GRID2: variants seen among roughly 807,000 people sequenced by gnomAD.
GRID2 encodes glutamate ionotropic receptor delta type subunit 2, also known as glutamate receptor ionotropic, delta-2.
In GRID2, 33 loss-of-function variants were observed where a neutral mutation model predicts 114.8. The ratio of observed to expected loss-of-function variants is 0.29; its 90% CI spans 0.22 to 0.38. The LOEUF is 0.38. Among genes scored for constraint, GRID2 ranks in the 10% least tolerant of loss-of-function variants. The pLI, the probability that GRID2 is intolerant of heterozygous loss-of-function variation, is 1.00. For missense variants in GRID2, 1,184 were observed against 1,257.7 expected (o/e 0.94, Z 0.89); for synonymous variants, 505 against 449.9 (o/e 1.12, Z -1.55).
chr4:92,721,837 C>T (rs1735824393), intron 2 of GRID2, among the ~76,000 whole-genome samples: 1 of 152,002 alleles, frequency 6.6e-6, no homozygotes, highest in Non-Finnish European at 1.5e-5. Context: ...ACATTTATGC[C>T]CTAAACTATA....
chr4:93,533,110 C>T (rs1307884256), intron 13 of GRID2, among the ~76,000 whole-genome samples: 1 of 152,070 alleles, frequency 6.6e-6, no homozygotes, highest in African/African-American at 2.4e-5. Context: ...ATATCCAAAA[C>T]CCAACAGTTG....
chr4:93,430,228 T>A (rs1469572642), intron 10 of GRID2, among the ~76,000 whole-genome samples: 1 of 152,184 alleles, frequency 6.6e-6, no homozygotes, highest in Non-Finnish European at 1.5e-5. Context: ...TTGCCCAGGC[T>A]GGAGTTCAGT....
At chr4:93,715,676 G>C (rs72659509) in intron 14 of GRID2, among the ~76,000 whole-genome samples, 1 of 152,062 alleles carries the variant, frequency 6.6e-6, no homozygotes, top group Non-Finnish European at 1.5e-5. Context: ...CCTAGATATT[G>C]TATTCTTTTT....
chr4:92,454,729 T>G (rs1386230957), intron 1 of GRID2, among the ~76,000 whole-genome samples: 1 of 152,138 alleles, frequency 6.6e-6, no homozygotes, highest in Non-Finnish European at 1.5e-5. Flanking sequence ...CCAGCTATTC[T>G]GGAGGCTGAG....
intron 2 of GRID2, among the ~76,000 whole-genome samples, chr4:92,926,903 C>G (rs897621917): frequency 6.6e-6 from 1 of 151,810 alleles, no homozygotes; most frequent in Non-Finnish European, 1.5e-5. Flanking sequence ...TCCTCATAAC[C>G]TAATCACTTC....
intron 8 of GRID2, among the ~76,000 whole-genome samples, chr4:93,244,148 T>C (rs967126468): frequency 6.6e-6 from 1 of 152,062 alleles, no homozygotes; most frequent in African/African-American, 2.4e-5. Flanking sequence ...TGCTCACATA[T>C]TATTGCAGAC....
chr4:92,352,683 A>G (rs983260593), intron 1 of GRID2, among the ~76,000 whole-genome samples: 1 of 152,018 alleles, frequency 6.6e-6, no homozygotes, highest in Non-Finnish European at 1.5e-5. Flanking sequence ...ACATCCATTC[A>G]TGTGCTTATT....
intron 2 of GRID2, among the ~76,000 whole-genome samples, chr4:92,816,422 A>G (rs1740921631): frequency 6.6e-6 from 1 of 151,966 alleles, no homozygotes; most frequent in Non-Finnish European, 1.5e-5. Context: ...TATTCACATT[A>G]AAACCTTATT....
At chr4:92,899,191 AT>A (rs199506411) in intron 2 of GRID2, among the ~76,000 whole-genome samples, 2 of 152,072 alleles carry the variant, frequency 1.3e-5, no homozygotes, top group East Asian at 3.9e-4. Flanking sequence ...ACTTTATATA[AT>A]CTATAAACAT....
intron 8 of GRID2, among the ~76,000 whole-genome samples, chr4:93,382,852 C>T (rs910665946): frequency 2.1e-4 from 32 of 150,780 alleles, no homozygotes; most frequent in Admixed American, 9.9e-4. Flanking sequence ...GTAGTAACTC[C>T]GGCAATCAGA....
intron 1 of GRID2, among the ~76,000 whole-genome samples, chr4:92,552,117 G>C (rs998279398): frequency 1.3e-5 from 2 of 151,970 alleles, no homozygotes; most frequent in African/African-American, 4.8e-5. Flanking sequence ...AAAGGGTAGT[G>C]CATGTATTCA....
chr4:92,793,263 T>C (rs1739681353), intron 2 of GRID2, among the ~76,000 whole-genome samples: 2 of 151,826 alleles, frequency 1.3e-5, no homozygotes, highest in Admixed American at 1.3e-4. Context: ...ATGTTCATTT[T>C]TTTGCCTAAT....
At chr4:93,493,539 T>TTTTTTTTTC (rs1173202239) in intron 12 of GRID2, among the ~76,000 whole-genome samples, 1 of 81,406 alleles carries the variant, frequency 1.2e-5, no homozygotes, top group Non-Finnish European at 2.4e-5. Context: ...TGTCAAATTC[T>TTTTTTTTTC]TTTTTTTTTC....
chr4:93,760,441 A>T (rs1195916952), intron 14 of GRID2, among the ~76,000 whole-genome samples: 1 of 152,218 alleles, frequency 6.6e-6, no homozygotes, highest in Non-Finnish European at 1.5e-5. Flanking sequence ...TTTGAAAGTA[A>T]CATATCAGGT....
intron 8 of GRID2, among the ~76,000 whole-genome samples, chr4:93,270,961 CAG>C (rs1751398076): frequency 6.6e-6 from 1 of 152,018 alleles, no homozygotes; most frequent in Non-Finnish European, 1.5e-5. Flanking sequence ...TTGGAGGACT[CAG>C]AAGTGTAGTG....
At chr4:93,196,587 G>A (rs1156561508) in intron 4 of GRID2, among the ~76,000 whole-genome samples, 1 of 151,962 alleles carries the variant, frequency 6.6e-6, no homozygotes, top group African/African-American at 2.4e-5. Flanking sequence ...GAAATAATTA[G>A]CCTCCATAGT....
intron 2 of GRID2, among the ~76,000 whole-genome samples, chr4:92,793,109 T>C (rs556010511): frequency 1.3e-5 from 2 of 151,952 alleles, no homozygotes; most frequent in South Asian, 4.1e-4. Context: ...ACCAGTTCCA[T>C]ATACCAGGTC....
At chr4:93,161,280 A>G (rs754013417) in intron 4 of GRID2, among the ~76,000 whole-genome samples, 95 of 151,908 alleles carry the variant, frequency 6.3e-4, no homozygotes, top group Non-Finnish European at 1.0e-3. Flanking sequence ...ATCAAGCAAT[A>G]GAAGTATGGC....
intron 2 of GRID2, among the ~76,000 whole-genome samples, chr4:92,917,535 G>C (rs1016114020): frequency 5.9e-5 from 9 of 152,118 alleles, no homozygotes; most frequent in African/African-American, 9.7e-5. Flanking sequence ...ATTAATTTTT[G>C]TATAAGATGT....
Sources: gnomAD v4.1 joint callset for allele counts (sites outside exome capture counted in the v4.1 genomes callset) on GRCh38, gnomAD v4.1.1 for gene constraint, MANE v1.5 for transcripts, NCBI Gene and HGNC (gene_info 2026-07-23, HGNC 2026-07-21) for gene names.